The following LRRTM4 variants were observed in gnomAD, a reference collection of about 807,000 sequenced individuals.
LRRTM4 encodes leucine-rich repeat transmembrane neuronal protein 4.
Under a neutral mutation model 47.6 loss-of-function variants are expected in LRRTM4, and 25 were observed. That is an observed-to-expected ratio of 0.53 (90% CI 0.38 to 0.73). The LOEUF (loss-of-function observed/expected upper bound fraction) is 0.73. Among genes scored for constraint, LRRTM4 ranks in the 30% least tolerant of loss-of-function variants. The pLI is 0.00. For synonymous variants in LRRTM4, 311 were observed against 269.5 expected (o/e 1.15, Z -1.51); for missense variants, 638 against 713.4 (o/e 0.89, Z 1.20).
intron 3 of LRRTM4, among the ~76,000 whole-genome samples, chr2:77,023,713 G>A (rs946069875): frequency 6.6e-6 from 1 of 152,038 alleles, no homozygotes. Context: ...TCCATTTGAG[G>A]CCACCTCAAC....
At chr2:76,823,958 C>T (rs116544209) in intron 3 of LRRTM4, among the ~76,000 whole-genome samples, 6,774 of 151,586 alleles carry the variant, frequency 0.045, 439 homozygotes, top group African/African-American at 0.14. Context: ...TCAACTTCAA[C>T]TCATTTAACC....
At chr2:76,872,306 A>G (rs1672645731) in intron 3 of LRRTM4, among the ~76,000 whole-genome samples, 1 of 152,172 alleles carries the variant, frequency 6.6e-6, no homozygotes, top group South Asian at 2.1e-4. Flanking sequence ...ACATTGAACC[A>G]GTAAGAACAA....
chr2:77,357,593 C>G (rs1672015246), intron 3 of LRRTM4, among the ~76,000 whole-genome samples: 1 of 152,114 alleles, frequency 6.6e-6, no homozygotes, highest in South Asian at 2.1e-4. Flanking sequence ...ATTGTTCACT[C>G]TATGCTGGGA....
intron 3 of LRRTM4, among the ~76,000 whole-genome samples, chr2:77,298,322 C>G (rs993638903): frequency 1.4e-4 from 21 of 152,212 alleles, no homozygotes; most frequent in African/African-American, 5.1e-4. Flanking sequence ...CTGCAAGCTC[C>G]GTCTCCCGGG....
At chr2:77,345,861 C>A (rs1671541995) in intron 3 of LRRTM4, among the ~76,000 whole-genome samples, 1 of 151,400 alleles carries the variant, frequency 6.6e-6, no homozygotes, top group Non-Finnish European at 1.5e-5. Context: ...TACACAGACA[C>A]ACACATATTC....
At chr2:77,326,190 T>C (rs1479721880) in intron 3 of LRRTM4, among the ~76,000 whole-genome samples, 2 of 152,234 alleles carry the variant, frequency 1.3e-5, no homozygotes, top group Non-Finnish European at 2.9e-5. Flanking sequence ...TCACTTTTAA[T>C]CAAATTTAAG....
intron 3 of LRRTM4, among the ~76,000 whole-genome samples, chr2:76,998,463 A>C (rs1395821925): frequency 2.0e-5 from 3 of 152,060 alleles, no homozygotes; most frequent in Non-Finnish European, 2.9e-5. Context: ...CTGCTTAAAC[A>C]AACAGATCCA....
At chr2:76,779,682 T>C (rs1233325760) in intron 3 of LRRTM4, among the ~76,000 whole-genome samples, 1 of 151,880 alleles carries the variant, frequency 6.6e-6, no homozygotes, top group African/African-American at 2.4e-5. Flanking sequence ...GTTTCCTGAA[T>C]ACAGCACACT....
In LRRTM4 at chr2:76,924,188, C is replaced by G. The variant is rs1453697490; in HGVS notation, c.1552-175272G>C. Among the ~76,000 whole-genome samples, 4 of 152,052 alleles carry G rather than the reference C, an allele frequency of 2.6e-5. No homozygotes were observed. The East Asian group carries it at 5.8e-4, about 22-fold the overall frequency. Reference sequence around the variant, plus strand: ...AAACTCATCTCCTTTCAGAAATTCACTTATCCTAAACACCTATTTTAAAAC... The same window carrying G: ...AAACTCATCTCCTTTCAGAAATTCAGTTATCCTAAACACCTATTTTAAAAC... On this transcript the variant is annotated intron_variant, in intron 3 of 3. Coordinates refer to ENST00000409884, the MANE Select transcript of LRRTM4 (RefSeq NM_001134745.3).
intron 3 of LRRTM4, among the ~76,000 whole-genome samples, chr2:76,794,972 G>C (rs1319298945): frequency 2.0e-5 from 3 of 151,974 alleles, no homozygotes; most frequent in Non-Finnish European, 4.4e-5. Flanking sequence ...TTAATCTAAG[G>C]GTGGCTGTAA....
chr2:76,879,562 C>T (rs2104099520), intron 3 of LRRTM4, among the ~76,000 whole-genome samples: 1 of 152,254 alleles, frequency 6.6e-6, no homozygotes, highest in South Asian at 2.1e-4. Flanking sequence ...GAACTAGTCA[C>T]CCATGAGCTC....
chr2:77,480,327 T>C (rs1677624077), intron 3 of LRRTM4, among the ~76,000 whole-genome samples: 1 of 152,252 alleles, frequency 6.6e-6, no homozygotes, highest in Admixed American at 6.5e-5. Flanking sequence ...CAGATTATTT[T>C]CAGCTGATTC....
chr2:76,778,872 T>C (rs1439529677), intron 3 of LRRTM4, among the ~76,000 whole-genome samples: 1 of 151,900 alleles, frequency 6.6e-6, no homozygotes, highest in Non-Finnish European at 1.5e-5. Context: ...ATTTTGGATC[T>C]TTCCTGCTTT....
At chr2:77,414,782 C>T (rs183971854) in intron 3 of LRRTM4, among the ~76,000 whole-genome samples, 1 of 152,282 alleles carries the variant, frequency 6.6e-6, no homozygotes, top group East Asian at 1.9e-4. Flanking sequence ...ATTCCTGTGC[C>T]TCCTGCCCCG....
At chr2:77,137,675 C>T (rs1004547596) in intron 3 of LRRTM4, among the ~76,000 whole-genome samples, 4 of 152,086 alleles carry the variant, frequency 2.6e-5, no homozygotes, top group African/African-American at 9.7e-5. Flanking sequence ...AAGACACAGA[C>T]TGGCAAATTG....
Position 76,932,596 on chromosome 2 carries a change from T to C in LRRTM4, c.1552-183680A>G, listed in dbSNP as rs186814683. Among the ~76,000 whole-genome samples the C allele has an allele frequency of 1.4e-3, 216 of 152,202 alleles. 1 individual carries two copies. Among genetic ancestry groups the C allele is most frequent in the African/African-American group, 5.1e-3 (212 of 41,526 alleles). On this transcript the variant is annotated intron_variant, in intron 3 of 3. Transcript: ENST00000409884. Reference sequence around the variant, plus strand: ...ACTCTGAACCTATGTTTCATTCTTGTAAATAGAAAAATATTTTCTATGTAT... The same window carrying C: ...ACTCTGAACCTATGTTTCATTCTTGCAAATAGAAAAATATTTTCTATGTAT...
intron 3 of LRRTM4, among the ~76,000 whole-genome samples, chr2:77,405,093 T>A (rs190489532): frequency 6.6e-6 from 1 of 152,262 alleles, no homozygotes; most frequent in Admixed American, 6.6e-5. Context: ...AAGCCATGAT[T>A]TAAATTACTC....
At chr2:77,086,817 T>C (rs1441952258) in intron 3 of LRRTM4, among the ~76,000 whole-genome samples, 1 of 152,088 alleles carries the variant, frequency 6.6e-6, no homozygotes, top group Non-Finnish European at 1.5e-5. Flanking sequence ...TTTTAAAACC[T>C]GCTTGGTAAA....
At chr2:77,341,473 C>A (rs978666379) in intron 3 of LRRTM4, among the ~76,000 whole-genome samples, 1 of 151,976 alleles carries the variant, frequency 6.6e-6, no homozygotes, top group Non-Finnish European at 1.5e-5. Flanking sequence ...CACATTATTT[C>A]AGCTGCTATT....
Sources: allele counts gnomAD v4.1 joint callset (sites outside exome capture counted in the v4.1 genomes callset), GRCh38; gene constraint gnomAD v4.1.1; transcripts MANE v1.5; gene names NCBI Gene and HGNC (gene_info 2026-07-23, HGNC 2026-07-21).